Variants in ERBB4 observed in about 807,000 individuals in gnomAD.
ERBB4 encodes erb-b2 receptor tyrosine kinase 4.
ERBB4 carries 42 observed loss-of-function variants against 158.0 expected under a neutral mutation model. That is an observed-to-expected ratio of 0.27 (90% CI 0.21 to 0.34). The LOEUF (loss-of-function observed/expected upper bound fraction) is 0.34. Among genes scored for constraint, ERBB4 ranks in the 10% least tolerant of loss-of-function variants. The pLI is 1.00. For synonymous variants in ERBB4, 583 were observed against 558.7 expected, an observed-to-expected ratio of 1.04 and a Z score of -0.61; for missense variants, 1,333 against 1,624.1, an observed-to-expected ratio of 0.82 and a Z score of 3.08.
chr2:211,941,957 G>A (rs1162177721), intron 3 of ERBB4, among the ~76,000 whole-genome samples: 1 of 152,078 alleles, frequency 6.6e-6, no homozygotes, highest in Non-Finnish European at 1.5e-5. Context: ...ACAACACTAT[G>A]AGGCAGAATT....
At chr2:212,522,433 C>T (rs965535409) in intron 1 of ERBB4, among the ~76,000 whole-genome samples, 2 of 150,604 alleles carry the variant, frequency 1.3e-5, no homozygotes, top group East Asian at 1.9e-4. Context: ...TTATGAAAAG[C>T]GATAAGTAAA....
intron 1 of ERBB4, among the ~76,000 whole-genome samples, chr2:212,243,650 T>C (rs2084200268): frequency 6.6e-6 from 1 of 152,098 alleles, no homozygotes; most frequent in Non-Finnish European, 1.5e-5. Context: ...TTTCAGGCAA[T>C]CTAGATTACT....
At chr2:211,879,114 C>G (rs567312054) in intron 3 of ERBB4, among the ~76,000 whole-genome samples, 2 of 152,142 alleles carry the variant, frequency 1.3e-5, no homozygotes, top group East Asian at 3.9e-4. Context: ...ATGCTGCATT[C>G]TTATCTACAT....
intron 1 of ERBB4, among the ~76,000 whole-genome samples, chr2:212,448,653 A>T (rs1399912953): frequency 2.6e-5 from 4 of 152,168 alleles, no homozygotes; most frequent in Non-Finnish European, 5.9e-5. Context: ...TGGAGATTCT[A>T]TACTGCATCC....
intron 1 of ERBB4, among the ~76,000 whole-genome samples, chr2:212,480,996 C>G (rs1575000332): frequency 6.6e-6 from 1 of 152,046 alleles, no homozygotes; most frequent in Non-Finnish European, 1.5e-5. Flanking sequence ...ATTTAGTATG[C>G]TGATGTAAAG....
At chr2:211,700,989 G>A (rs1009339350) in intron 12 of ERBB4, among the ~76,000 whole-genome samples, 1 of 152,256 alleles carries the variant, frequency 6.6e-6, no homozygotes, top group African/African-American at 2.4e-5. Flanking sequence ...GTAGTATTCA[G>A]TAGAAAAACA....
intron 1 of ERBB4, among the ~76,000 whole-genome samples, chr2:212,215,068 G>A (rs1375751087): frequency 1.3e-5 from 2 of 151,618 alleles, no homozygotes; most frequent in Non-Finnish European, 1.5e-5. Context: ...GAATCAGGTT[G>A]TGATAACTTT....
At chr2:211,420,081 G>GA in intron 25 of ERBB4, among the ~76,000 whole-genome samples, 1 of 152,068 alleles carries the variant, frequency 6.6e-6, no homozygotes, top group South Asian at 2.1e-4. Flanking sequence ...TTTTAAGAAA[G>GA]AAAAGTAGAA....
At chr2:212,460,220 C>T (rs573234866) in intron 1 of ERBB4, among the ~76,000 whole-genome samples, 1 of 152,222 alleles carries the variant, frequency 6.6e-6, no homozygotes, top group Admixed American at 6.5e-5. Context: ...GTAAATTGCC[C>T]AGTGTCAGGT....
At chr2:211,417,932 C>G (rs1385366932) in intron 25 of ERBB4, among the ~76,000 whole-genome samples, 1 of 152,090 alleles carries the variant, frequency 6.6e-6, no homozygotes, top group African/African-American at 2.4e-5. Context: ...TATAAATACT[C>G]TGCAATTTTT....
intron 1 of ERBB4, among the ~76,000 whole-genome samples, chr2:212,508,911 A>G (rs1691348093): frequency 6.6e-6 from 1 of 152,056 alleles, no homozygotes; most frequent in Non-Finnish European, 1.5e-5. Flanking sequence ...TCAATAATTG[A>G]TTACTTCTAT....
rs544142981 is a variant in ERBB4 at position 212,262,067 on chromosome 2, T to C, written c.83-137164A>G. 3.9e-5 allele frequency among the ~76,000 whole-genome samples: 6 copies of C among 152,284 alleles called. No homozygotes were observed. The South Asian group carries it at 6.2e-4, about 16-fold the overall frequency. Reference sequence around the variant, plus strand: ...ATAGTTTAAATTATTGATTAACTGATATAATCTTATTCTAATTGTTCCCAC... The same window carrying C: ...ATAGTTTAAATTATTGATTAACTGACATAATCTTATTCTAATTGTTCCCAC... On this transcript the variant is annotated intron_variant, in intron 1 of 27. Coordinates refer to ENST00000342788, the MANE Select transcript of ERBB4 (RefSeq NM_005235.3).
intron 1 of ERBB4, among the ~76,000 whole-genome samples, chr2:212,455,466 C>T (rs1688243045): frequency 6.6e-6 from 1 of 152,122 alleles, no homozygotes; most frequent in Non-Finnish European, 1.5e-5. Context: ...ATGGTAGCCA[C>T]TAGCCACATG....
chr2:211,676,116 G>A (rs1444437403), intron 13 of ERBB4, among the ~76,000 whole-genome samples: 2 of 152,038 alleles, frequency 1.3e-5, no homozygotes. Flanking sequence ...ATGAAGTTGG[G>A]ATATAAACTG....
intron 16 of ERBB4, among the ~76,000 whole-genome samples, chr2:211,634,139 C>T (rs2070265121): frequency 6.6e-6 from 1 of 152,076 alleles, no homozygotes; most frequent in Admixed American, 6.6e-5. Flanking sequence ...ATTTATATTC[C>T]TTTTGAAATA....
Position 212,361,192 on chromosome 2 carries a change from T to C in ERBB4, c.82+177257A>G, listed in dbSNP as rs566977996. On this transcript the variant is annotated intron_variant, in intron 1 of 27. Transcript: ENST00000342788. ...GAAATTTTGTGTAATAACATTTCCA[T>C]TTGGTTCATACAATGTAATTGATAA... Among the ~76,000 whole-genome samples, 3 of 151,846 alleles carry C rather than the reference T, an allele frequency of 2.0e-5. No homozygotes were observed. In the South Asian group the frequency reaches 6.2e-4, roughly 31 times the overall value.
intron 3 of ERBB4, among the ~76,000 whole-genome samples, chr2:211,895,743 AC>A (rs1280057896): frequency 6.6e-6 from 1 of 152,008 alleles, no homozygotes; most frequent in Non-Finnish European, 1.5e-5. Flanking sequence ...GTCTATACAC[AC>A]TGTTAACCCT....
intron 1 of ERBB4, among the ~76,000 whole-genome samples, chr2:212,422,964 A>G (rs2091829756): frequency 6.6e-6 from 1 of 152,210 alleles, no homozygotes; most frequent in South Asian, 2.1e-4. Context: ...GTGAAATACC[A>G]CAGAGTACAA....
intron 1 of ERBB4, among the ~76,000 whole-genome samples, chr2:212,289,217 A>G (rs1236455362): frequency 6.6e-6 from 1 of 152,198 alleles, no homozygotes; most frequent in African/African-American, 2.4e-5. Context: ...AATGAATATA[A>G]TAACTTTGAA....
Sources: gnomAD v4.1 joint callset for allele counts (sites outside exome capture counted in the v4.1 genomes callset) on GRCh38, gnomAD v4.1.1 for gene constraint, MANE v1.5 for transcripts, NCBI Gene and HGNC (gene_info 2026-07-23, HGNC 2026-07-21) for gene names.